KIF26B: variants seen among roughly 807,000 people sequenced by gnomAD.
KIF26B encodes kinesin-like protein KIF26B.
A neutral mutation model predicts 151.2 loss-of-function variants in KIF26B; 63 were observed. The observed-to-expected ratio is 0.42, with a 90% CI of 0.34 to 0.51. KIF26B has a LOEUF of 0.51. Among genes scored for constraint, KIF26B ranks in the 20% least tolerant of loss-of-function variants. The pLI is 0.07. For missense variants in KIF26B, 2,813 were observed against 2,913.6 expected, an observed-to-expected ratio of 0.97 and a Z score of 0.79; for synonymous variants, 1,357 against 1,262.1, an observed-to-expected ratio of 1.08 and a Z score of -1.59.
At chr1:245,567,483 G>A (rs1028615910) in intron 5 of KIF26B, among the ~76,000 whole-genome samples, 11 of 152,098 alleles carry the variant, frequency 7.2e-5, no homozygotes, top group African/African-American at 1.9e-4. Flanking sequence ...CCCAGGAGTC[G>A]CTGAATAGGT....
At chr1:245,354,740 G>A (rs760294004) in intron 2 of KIF26B, among the ~76,000 whole-genome samples, 3 of 152,148 alleles carry the variant, frequency 2.0e-5, no homozygotes, top group African/African-American at 4.8e-5. Flanking sequence ...CCACATAAGG[G>A]AAACTGAGGT....
chr1:245,364,795 A>G (rs1396745859), intron 2 of KIF26B, among the ~76,000 whole-genome samples: 1 of 152,144 alleles, frequency 6.6e-6, no homozygotes, highest in Admixed American at 6.5e-5. Context: ...AATATTCTAA[A>G]TAAGCAATTG....
intron 3 of KIF26B, among the ~76,000 whole-genome samples, chr1:245,374,136 T>TATATATATAC (rs1297569545): frequency 2.5e-4 from 21 of 84,088 alleles, no homozygotes; most frequent in African/African-American, 8.6e-4. Flanking sequence ...TATATATATA[T>TATATATATAC]ATGGGCACAA....
chr1:245,256,138 C>T (rs1244456139), intron 2 of KIF26B, among the ~76,000 whole-genome samples: 2 of 152,122 alleles, frequency 1.3e-5, no homozygotes, highest in African/African-American at 4.8e-5. Context: ...TGTGTGACTT[C>T]GAACAAGCTA....
intron 10 of KIF26B, among the ~76,000 whole-genome samples, chr1:245,678,990 T>C (rs1367934964): frequency 6.6e-6 from 1 of 152,136 alleles, no homozygotes; most frequent in Non-Finnish European, 1.5e-5. Flanking sequence ...CTCAAAGCCA[T>C]GGATTGGTGT....
At chr1:245,388,424 TAA>T (rs1244046573) in intron 3 of KIF26B, among the ~76,000 whole-genome samples, 2 of 152,258 alleles carry the variant, frequency 1.3e-5, no homozygotes, top group African/African-American at 4.8e-5. Context: ...CTTGCAATGC[TAA>T]GTCACATTGA....
chr1:245,367,497 C>T lies in KIF26B; in HGVS notation c.999+130C>T. 2.2e-6 allele frequency: 2 copies of T among 895,826 alleles called. No individual in the cohort carries two copies. Among genetic ancestry groups the T allele is most frequent in the Non-Finnish European group, 3.3e-6 (2 of 605,204 alleles). 55.5% of individuals were successfully genotyped at this position (895,826 alleles called of 1,614,324 possible). A position where few individuals can be genotyped will look rare whatever the true frequency, so the allele number is the denominator to read the frequency against. Reference sequence around the variant, plus strand: ...AGAGCCCAGTGTTTCCATGTGGCCCCCACAGAGTTCTCATCAAGGTGCCCC... The same window carrying T: ...AGAGCCCAGTGTTTCCATGTGGCCCTCACAGAGTTCTCATCAAGGTGCCCC... On this transcript the variant is annotated intron_variant, in intron 3 of 14. Coordinates refer to ENST00000407071, the MANE Select transcript of KIF26B (RefSeq NM_018012.4). This position sits in a 1 kb window ranked among gnomAD's most constrained non-coding sequence, Gnocchi z 4.2.
chr1:245,578,706 CT>C (rs1454096770), intron 5 of KIF26B, among the ~76,000 whole-genome samples: 4 of 152,216 alleles, frequency 2.6e-5, no homozygotes, highest in African/African-American at 7.2e-5. Context: ...GTTACTGGGG[CT>C]GTGGATGGAG....
intron 2 of KIF26B, among the ~76,000 whole-genome samples, chr1:245,259,957 A>T (rs1269668911): frequency 2.2e-5 from 3 of 137,590 alleles, no homozygotes; most frequent in African/African-American, 2.8e-5. Flanking sequence ...AAAAAAAAAA[A>T]GGTGAGCTTT....
At chr1:245,171,752 C>T (rs1427066114) in intron 2 of KIF26B, among the ~76,000 whole-genome samples, 3 of 152,180 alleles carry the variant, frequency 2.0e-5, no homozygotes, top group Non-Finnish European at 4.4e-5. Context: ...TGATGAAGAG[C>T]ATGGTTCTTG....
intron 2 of KIF26B, among the ~76,000 whole-genome samples, chr1:245,329,684 T>C (rs1672061826): frequency 6.6e-6 from 1 of 152,138 alleles, no homozygotes; most frequent in Admixed American, 6.5e-5. Context: ...CTCCCAACTC[T>C]CTCTCTCATG....
intron 2 of KIF26B, among the ~76,000 whole-genome samples, chr1:245,183,002 A>T (rs1344030650): frequency 1.3e-5 from 2 of 152,206 alleles, no homozygotes; most frequent in East Asian, 3.8e-4. Context: ...CCAGCAACAG[A>T]TGAGGCTTTC....
chr1:245,418,053 G>A (rs919015034), intron 3 of KIF26B, among the ~76,000 whole-genome samples: 4 of 152,222 alleles, frequency 2.6e-5, no homozygotes, highest in African/African-American at 7.2e-5. Flanking sequence ...GGCATGATGC[G>A]CGCCCTGGAG....
chr1:245,520,712 G>T (rs920458055), intron 4 of KIF26B, among the ~76,000 whole-genome samples: 2 of 151,838 alleles, frequency 1.3e-5, no homozygotes, highest in African/African-American at 4.8e-5. Context: ...ACCATTCCTG[G>T]CAGTTAAGAA....
At position 245,369,168 on chromosome 1, in the gene KIF26B, T is replaced by TGAGAGAGAGGGAGAGAGAGAGAGAGA. The variant is rs1396163965; in HGVS notation, c.999+1810_999+1811insGGAGAGAGAGAGAGAGAGAGAGAGAG. Among the ~76,000 whole-genome samples, 22 of 135,764 alleles carry TGAGAGAGAGGGAGAGAGAGAGAGAGA rather than the reference T, an allele frequency of 1.6e-4. 1 individual carries two copies. Among genetic ancestry groups the TGAGAGAGAGGGAGAGAGAGAGAGAGA allele is most frequent in the African/African-American group, 5.7e-4 (22 of 38,644 alleles). 89.1% of individuals were successfully genotyped at this position (135,764 alleles called of 152,430 possible). ...ACTCTGAATTGGGAAAAAAGAAGAG[T>TGAGAGAGAGGGAGAGAGAGAGAGAGA]GAGAGAGAGAGAGAGAGAGAGAGAG... On this transcript the variant is annotated intron_variant, in intron 3 of 14. Transcript: ENST00000407071.
Position 245,155,059 on chromosome 1 carries a change from C to T in KIF26B, c.-366C>T. 2.2e-6 allele frequency: 1 copy of T among 452,908 alleles called. No individual in the cohort carries two copies. 28.1% of individuals were successfully genotyped at this position (452,908 alleles called of 1,614,324 possible). On this transcript the variant is annotated 5_prime_UTR_variant, in exon 1 of 15. Transcript: ENST00000407071. Reference sequence around the variant, plus strand: ...GGCTCTCCCACCTTCCCGGCAGCGGCCGCGAGCCCTGATTGTATCCCTCGC... The same window carrying T: ...GGCTCTCCCACCTTCCCGGCAGCGGTCGCGAGCCCTGATTGTATCCCTCGC...
chr1:245,530,051 A>G (rs1375664538), intron 4 of KIF26B, among the ~76,000 whole-genome samples: 1 of 152,242 alleles, frequency 6.6e-6, no homozygotes, highest in Non-Finnish European at 1.5e-5. Context: ...AAGACATACA[A>G]GTGGCAGACA....
At chr1:245,515,559 G>A (rs1463817013) in intron 4 of KIF26B, among the ~76,000 whole-genome samples, 1 of 152,208 alleles carries the variant, frequency 6.6e-6, no homozygotes, top group Non-Finnish European at 1.5e-5. Context: ...CTGTGCAGTT[G>A]CCTTCAGTTT....
intron 4 of KIF26B, among the ~76,000 whole-genome samples, chr1:245,508,048 AAGTCGTTCAGCTT>A (rs1351391495): frequency 6.6e-6 from 1 of 152,180 alleles, no homozygotes; most frequent in Non-Finnish European, 1.5e-5. Context: ...GACCAAGAGC[AAGTCGTTCAGCTT>A]TTCTGAGCCA....
Sources: gnomAD v4.1 joint callset for allele counts (sites outside exome capture counted in the v4.1 genomes callset) on GRCh38, gnomAD v4.1.1 for gene constraint, Gnocchi (gnomAD v3.1) non-coding constraint, MANE v1.5 for transcripts, NCBI Gene and HGNC (gene_info 2026-07-23, HGNC 2026-07-21) for gene names.